Variants in GLMN observed in about 807,000 individuals in gnomAD.
GLMN encodes glomulin, FKBP associated protein.
GLMN carries 75 observed loss-of-function variants against 87.8 expected under a neutral mutation model. That is an observed-to-expected ratio of 0.85 (90% CI 0.71 to 1.04). GLMN has a LOEUF of 1.04. Among genes scored for constraint, GLMN ranks in the 50% least tolerant of loss-of-function variants. The pLI, the probability that GLMN is intolerant of heterozygous loss-of-function variation, is 0.00. For missense variants in GLMN, 588 were observed against 658.8 expected, an observed-to-expected ratio of 0.89 and a Z score of 1.18; for synonymous variants, 206 against 221.6, an observed-to-expected ratio of 0.93 and a Z score of 0.63.
At chr1:92,321,944 CTTTTTTTTTTTTT>C in the GLMN span, among the ~76,000 whole-genome samples, 4 of 106,082 alleles carry the variant, frequency 3.8e-5, no homozygotes, top group Admixed American at 3.8e-4. Context: ...AATTTTCTTT[CTTTTTTTTTTTTT>C]TTTTTCAAGA....
chr1:92,334,638 A>G, the GLMN span, among the ~76,000 whole-genome samples: 1 of 152,136 alleles, frequency 6.6e-6, no homozygotes, highest in Admixed American at 6.5e-5. Context: ...ACCTGAAGCC[A>G]GGAGTTCAAG....
the GLMN span, among the ~76,000 whole-genome samples, chr1:92,342,851 C>CA: frequency 6.6e-6 from 1 of 152,088 alleles, no homozygotes; most frequent in Non-Finnish European, 1.5e-5. Flanking sequence ...ATAGGAGTGT[C>CA]ACACCATCCT....
intron 6 of GLMN, among the ~76,000 whole-genome samples, chr1:92,287,101 C>T (rs575947476): frequency 1.7e-4 from 26 of 152,302 alleles, no homozygotes; most frequent in African/African-American, 6.3e-4. Flanking sequence ...CCTTGCTAGA[C>T]TCAACATGCT....
chr1:92,365,272 G>T, the GLMN span, among the ~76,000 whole-genome samples: 1 of 152,170 alleles, frequency 6.6e-6, no homozygotes, highest in African/African-American at 2.4e-5. Flanking sequence ...TTCCAAAAGT[G>T]TAGTTAACAA....
chr1:92,309,760 CTG>C, the GLMN span, among the ~76,000 whole-genome samples: 1 of 152,118 alleles, frequency 6.6e-6, no homozygotes, highest in African/African-American at 2.4e-5. Context: ...TAATGAGAAA[CTG>C]TGAGCAAAAG....
chr1:92,246,614 C>A lies in GLMN; in HGVS notation c.1701G>T (p.Leu567Phe). Residue 567 changes from leucine to phenylalanine, a missense_variant, in exon 19 of 19, where the codon TTG becomes TTT. Transcript: ENST00000370360. ...VLHSALFTFD[L>F]IESVLARVEE... ...CCACTCGAGCTAGAACACTTTCAAT[C>A]AAATCAAATGTGAAAAGAGCTGAAT... The A allele has an allele frequency of 6.3e-7, 1 of 1,595,030 alleles. No homozygotes were observed. Among genetic ancestry groups the A allele is most frequent in the Non-Finnish European group, 8.6e-7 (1 of 1,162,736 alleles).
In GLMN at chr1:92,286,534, C is replaced by G; in HGVS notation, c.691G>C (p.Glu231Gln). Residue 231 changes from glutamate (E) to glutamine (Q), a missense_variant, in exon 7 of 19, where the codon GAA (glutamate) becomes CAA (glutamine). Glu to Gln is a conservative substitution (Grantham distance 29). Transcript: ENST00000370360. ...LTAQFFEQSE[E>Q]GGNDPFRYFA... ...TACCTGAAAGGATCATTTCCACCTT[C>G]TTCAGACTGTTCAAAGAATTGTGCT... 1 of 1,606,492 alleles carries G rather than the reference C, an allele frequency of 6.2e-7. No individual in the cohort carries two copies. The highest frequency in any genetic ancestry group is 8.5e-7 in the Non-Finnish European group (1 of 1,173,248).
intron 16 of GLMN, among the ~76,000 whole-genome samples, chr1:92,253,370 A>G (rs1442059198): frequency 6.6e-6 from 1 of 152,212 alleles, no homozygotes; most frequent in African/African-American, 2.4e-5. Flanking sequence ...CCTGCCTGCC[A>G]GCTCTGAAGA....
Position 92,266,701 on chromosome 1 carries a change from A to C in GLMN, c.1139T>G (p.Leu380Arg). 6.3e-7 allele frequency: 1 copy of C among 1,584,342 alleles called. No homozygotes were observed. Among genetic ancestry groups the C allele is most frequent in the Non-Finnish European group, 8.7e-7 (1 of 1,154,014 alleles). The change falls in exon 12 of 19, where the codon CTG (leucine) becomes CGG (arginine). Residue 380 changes from leucine to arginine, a missense_variant and splice_region_variant. Coordinates refer to ENST00000370360, the MANE Select transcript of GLMN (RefSeq NM_053274.3). ...KVMTLCPIET[L>R]RKKSLAMLQL... ...TTTAGTCACCAAATATTTACATACC[A>C]GTGTCTCAATGGGGCAAAGTGTCAT...
chr1:92,321,948 T>C, the GLMN span, among the ~76,000 whole-genome samples: 28 of 149,566 alleles, frequency 1.9e-4, no homozygotes, highest in East Asian at 3.9e-4. Flanking sequence ...TTCTTTCTTT[T>C]TTTTTTTTTT....
the GLMN span, among the ~76,000 whole-genome samples, chr1:92,322,914 AT>A: frequency 0.053 from 7,883 of 147,564 alleles, 565 homozygotes; most frequent in African/African-American, 0.17. Flanking sequence ...CATATTATAT[AT>A]TTTTTAAACT....
intron 6 of GLMN, among the ~76,000 whole-genome samples, chr1:92,288,357 C>T (rs1358755661): frequency 6.6e-6 from 1 of 152,044 alleles, no homozygotes; most frequent in African/African-American, 2.4e-5. Context: ...TCATTATTCA[C>T]CTACTATGAT....
At chr1:92,357,960 CCT>C in the GLMN span, among the ~76,000 whole-genome samples, 1 of 152,058 alleles carries the variant, frequency 6.6e-6, no homozygotes, top group Admixed American at 6.5e-5. Flanking sequence ...AGGATCTCGC[CCT>C]GTTGCCTAGG....
Position 92,271,529 on chromosome 1 carries a change from C to T in GLMN, c.859G>A (p.Ala287Thr), listed in dbSNP as rs745627489. ...ACAAATACTAGATATGCCAGAGAAG[C>T]CATTGAGTCTGCTAACTGTTTATTT... ...EENKQLADSM[A>T]SLAYLVFVQG... Residue 287 changes from alanine (A) to threonine (T), a missense_variant, in exon 8 of 19, where the codon GCT (alanine) becomes ACT (threonine). Ala to Thr is a moderately conservative substitution (Grantham distance 58). Transcript: ENST00000370360. The T allele has an allele frequency of 1.2e-5, 20 of 1,612,544 alleles. No individual in the cohort carries two copies. Among genetic ancestry groups the T allele is most frequent in the Non-Finnish European group, 1.6e-5 (19 of 1,178,794 alleles).
chr1:92,280,841 T>C (rs987671475), intron 7 of GLMN, among the ~76,000 whole-genome samples: 1 of 152,070 alleles, frequency 6.6e-6, no homozygotes, highest in African/African-American at 2.4e-5. Flanking sequence ...CAATAGCCGA[T>C]TTGATCAAGT....
chr1:92,259,926 G>A lies in GLMN; in HGVS notation c.1473+2937C>T, dbSNP rs1370682984. Among the ~76,000 whole-genome samples, 7 of 151,740 alleles carry A rather than the reference G, an allele frequency of 4.6e-5. No individual in the cohort carries two copies. In the South Asian group the frequency reaches 6.3e-4, roughly 14 times the overall value. Reference sequence around the variant, plus strand: ...TTTTGTTTGTATTTTTAGTAGAGACGGGGTTTCACTGTGTTAGCCAGGATG... The same window carrying A: ...TTTTGTTTGTATTTTTAGTAGAGACAGGGTTTCACTGTGTTAGCCAGGATG... On this transcript the variant is annotated intron_variant, in intron 16 of 18. Transcript: ENST00000370360.
chr1:92,335,133 G>A, the GLMN span, among the ~76,000 whole-genome samples: 1 of 152,230 alleles, frequency 6.6e-6, no homozygotes, highest in South Asian at 2.1e-4. Flanking sequence ...CATAGTGGGT[G>A]TACTAATTTA....
At chr1:92,248,948 C>G (rs1653050841) in intron 16 of GLMN, among the ~76,000 whole-genome samples, 1 of 152,026 alleles carries the variant, frequency 6.6e-6, no homozygotes, top group Non-Finnish European at 1.5e-5. Context: ...ATCAACTTAT[C>G]TTGGGGAAAT....
chr1:92,331,840 TCA>T, the GLMN span, among the ~76,000 whole-genome samples: 294 of 152,276 alleles, frequency 1.9e-3, 3 homozygotes, highest in Admixed American at 0.016. Context: ...AAGAATTTTC[TCA>T]GTTTTTCTTT....
Sources: gnomAD v4.1 joint callset for allele counts (sites outside exome capture counted in the v4.1 genomes callset) on GRCh38, gnomAD v4.1.1 for gene constraint, MANE v1.5 for transcripts, NCBI Gene and HGNC (gene_info 2026-07-23, HGNC 2026-07-21) for gene names.